Variants in KDM1A observed in about 807,000 individuals in gnomAD.
KDM1A encodes lysine-specific histone demethylase 1A.
KDM1A carries 49 observed loss-of-function variants against 109.4 expected under a neutral mutation model. The observed-to-expected ratio is 0.45, with a 90% CI of 0.36 to 0.57. The LOEUF is 0.57. KDM1A is among the 20% of genes least tolerant of loss of function. KDM1A has a pLI of 0.00. For synonymous variants in KDM1A, 380 were observed against 415.4 expected (o/e 0.91, Z 1.04); for missense variants, 668 against 1,116.6 (o/e 0.60, Z 5.73).
chr1:23,082,234 G>A lies in KDM1A; in HGVS notation c.2313G>A (p.Val771=). 1 of 1,613,458 alleles carries A rather than the reference G, an allele frequency of 6.2e-7. No homozygotes were observed. ...TTTTCTTTTAGCCCAAAGAAACTGT[G>A]GTGTCTCGTTGGCGTGCTGATCCCT... ...SSAVPQPKET[V]VSRWRADPWA... The change falls in exon 20 of 21, where the codon GTG becomes GTA. Residue 771 remains valine (V), a synonymous_variant. Coordinates refer to ENST00000400181, the MANE Select transcript of KDM1A (RefSeq NM_001009999.3).
intron 1 of KDM1A, among the ~76,000 whole-genome samples, chr1:23,023,501 T>C (rs970965166): frequency 9.9e-5 from 15 of 152,224 alleles, no homozygotes; most frequent in Admixed American, 8.5e-4. Context: ...TGATTAACTA[T>C]AAATCTAAGA....
At chr1:23,060,937 TAA>T (rs1321476176) in intron 9 of KDM1A, among the ~76,000 whole-genome samples, 2 of 152,220 alleles carry the variant, frequency 1.3e-5, no homozygotes, top group African/African-American at 2.4e-5. Context: ...CAAGAAGTGA[TAA>T]GAGTCCACAG....
At chr1:23,023,243 T>G (rs1273881597) in intron 1 of KDM1A, among the ~76,000 whole-genome samples, 1 of 152,240 alleles carries the variant, frequency 6.6e-6, no homozygotes, top group Non-Finnish European at 1.5e-5. Context: ...AATTTATTCT[T>G]TTGCTCCCTT....
intron 1 of KDM1A, among the ~76,000 whole-genome samples, chr1:23,029,235 A>G (rs537017533): frequency 1.3e-5 from 2 of 152,372 alleles, no homozygotes; most frequent in South Asian, 4.1e-4. Flanking sequence ...CCACAGGACT[A>G]TTCATCTTGG....
intron 15 of KDM1A, among the ~76,000 whole-genome samples, chr1:23,075,254 TG>T (rs1439831434): frequency 1.3e-5 from 2 of 152,240 alleles, no homozygotes; most frequent in East Asian, 3.8e-4. Context: ...CAAGGCTTCT[TG>T]GACCAATCTC....
intron 20 of KDM1A, 131 bp downstream of exon 20, chr1:23,082,497 G>A: frequency 1.2e-6 from 1 of 863,966 alleles, no homozygotes; most frequent in Non-Finnish European, 1.7e-6. Context: ...CAAGAGCAGA[G>A]TTAAAAGGAT....
At chr1:23,078,871 A>G in intron 16 of KDM1A, 119 bp from the exon 17 acceptor site, 1 of 929,600 alleles carries the variant, frequency 1.1e-6, no homozygotes, top group Non-Finnish European at 1.7e-6. Context: ...CATGAAGGTA[A>G]TGAAAATAGA....
intron 3 of KDM1A, among the ~76,000 whole-genome samples, chr1:23,047,681 G>A (rs534134244): frequency 1.1e-4 from 17 of 152,144 alleles, no homozygotes; most frequent in African/African-American, 3.6e-4. Context: ...ATGGTGTATC[G>A]CTTGAGCTCA....
intron 3 of KDM1A, among the ~76,000 whole-genome samples, chr1:23,048,220 T>TG (rs2124443457): frequency 6.6e-6 from 1 of 152,164 alleles, no homozygotes; most frequent in East Asian, 1.9e-4. Context: ...TTCTTTATAA[T>TG]GTGAGTTATT....
intron 3 of KDM1A, among the ~76,000 whole-genome samples, chr1:23,045,126 C>T (rs1050522620): frequency 1.1e-4 from 16 of 152,144 alleles, no homozygotes; most frequent in African/African-American, 3.6e-4. Context: ...TAGGGGCCAC[C>T]ATCTGGAACA....
chr1:23,079,117 ACCTCT>A lies in KDM1A; in HGVS notation c.1998_2002del (p.Leu667Ter). 6.2e-7 allele frequency: 1 copy of A among 1,614,040 alleles called. No homozygotes were observed. Among genetic ancestry groups the A allele is most frequent in the Non-Finnish European group, 8.5e-7 (1 of 1,179,996 alleles). Reference sequence around the variant, plus strand: ...AGCCACCAGCCGTTCAGTTTGTGCCACCTCTCCCTGAGTGGAAAACATCTGCAGTC... The same window carrying A: ...AGCCACCAGCCGTTCAGTTTGTGCCACCCTGAGTGGAAAACATCTGCAGTC... On this transcript the variant is annotated frameshift_variant, in exon 17 of 21. Coordinates refer to ENST00000400181, the MANE Select transcript of KDM1A (RefSeq NM_001009999.3). LOFTEE classifies it high-confidence loss of function. This position sits in a 1 kb window ranked among gnomAD's most constrained non-coding sequence, Gnocchi z 5.6.
chr1:23,042,180 A>C (rs964750366), intron 2 of KDM1A, among the ~76,000 whole-genome samples: 3 of 152,070 alleles, frequency 2.0e-5, no homozygotes, highest in Non-Finnish European at 2.9e-5. Flanking sequence ...GTTTTTATCT[A>C]AGTTTTTAGT....
At chr1:23,063,202 G>GGGA (rs1553130169) in intron 9 of KDM1A, among the ~76,000 whole-genome samples, 1 of 85,526 alleles carries the variant, frequency 1.2e-5, no homozygotes, top group Non-Finnish European at 2.5e-5. Context: ...GCATTGGGGG[G>GGGA]GGGGTGTGGT....
At chr1:23,061,033 A>T (rs1389859095) in intron 9 of KDM1A, among the ~76,000 whole-genome samples, 1 of 152,200 alleles carries the variant, frequency 6.6e-6, no homozygotes, top group Non-Finnish European at 1.5e-5. Flanking sequence ...AGTCTTTCTA[A>T]CGTAAAGAGA....
At chr1:23,055,836 A>G in intron 6 of KDM1A, 96 bp from the exon 7 acceptor site, 3 of 607,664 alleles carry the variant, frequency 4.9e-6, no homozygotes, top group Non-Finnish European at 5.6e-6. Context: ...TTTGTAAGCT[A>G]TTATGTTAAG....
At chr1:23,027,118 A>C (rs1441738291) in intron 1 of KDM1A, among the ~76,000 whole-genome samples, 1 of 152,032 alleles carries the variant, frequency 6.6e-6, no homozygotes, top group Non-Finnish European at 1.5e-5. Flanking sequence ...ATAAAATTTT[A>C]AGCAAAAATC....
intron 2 of KDM1A, among the ~76,000 whole-genome samples, chr1:23,036,064 C>T (rs1016914548): frequency 6.6e-6 from 1 of 152,020 alleles, no homozygotes; most frequent in Non-Finnish European, 1.5e-5. Context: ...GGCCAGAGTT[C>T]AGGTGAACCA....
Position 23,055,916 on chromosome 1 carries a change from C to A in KDM1A, c.884-16C>A. 2 of 1,544,438 alleles carry A rather than the reference C, an allele frequency of 1.3e-6. No individual in the cohort carries two copies. Among genetic ancestry groups the A allele is most frequent in the South Asian group, 1.2e-5 (1 of 83,862 alleles). ...ATACCTAAAACAAAATCTTTTTTTT[C>A]ATTTTTTGCTTTTAGCTAAAAAGAC... On this transcript the variant is annotated splice_polypyrimidine_tract_variant and intron_variant, in intron 6 of 20. Coordinates refer to ENST00000400181, the MANE Select transcript of KDM1A (RefSeq NM_001009999.3).
intron 1 of KDM1A, among the ~76,000 whole-genome samples, chr1:23,021,876 A>G (rs1483953856): frequency 2.0e-5 from 3 of 152,164 alleles, no homozygotes; most frequent in Non-Finnish European, 4.4e-5. Context: ...GGCAACCACT[A>G]ATCTACTCTT....
Sources: gnomAD v4.1 joint callset for allele counts (sites outside exome capture counted in the v4.1 genomes callset) on GRCh38, gnomAD v4.1.1 for gene constraint, Gnocchi (gnomAD v3.1) non-coding constraint, MANE v1.5 for transcripts, NCBI Gene and HGNC (gene_info 2026-07-23, HGNC 2026-07-21) for gene names.